AKAP3: variants seen among roughly 807,000 people sequenced by gnomAD.
AKAP3 encodes A-kinase anchoring protein 3.
AKAP3 carries 27 observed loss-of-function variants against 57.2 expected under a neutral mutation model. The ratio of observed to expected loss-of-function variants is 0.47; its 90% CI spans 0.35 to 0.65. The LOEUF (loss-of-function observed/expected upper bound fraction) is 0.65. AKAP3 is among the 30% of genes least tolerant of loss of function. The probability of loss-of-function intolerance (pLI) is 0.01; values close to 1 mark genes in which losing one functional copy is unlikely to be tolerated. For synonymous variants in AKAP3, 334 were observed against 392.3 expected, an observed-to-expected ratio of 0.85 and a Z score of 1.76; for missense variants, 959 against 1,040.0, an observed-to-expected ratio of 0.92 and a Z score of 1.07.
rs868808320 is a variant in AKAP3, at chr12:4,626,309, C to T, written c.2406+187G>A. On this transcript the variant is annotated intron_variant, in intron 5 of 5. Transcript: ENST00000228850. ...TTTATCCCCCTGTTCCCCTTTGATA[C>T]GCCTTGGATTGGGCAAAATCTAATT... 7.2e-5 allele frequency among the ~76,000 whole-genome samples: 11 copies of T among 152,302 alleles called. 1 individual carries two copies. In the Middle Eastern group the frequency reaches 0.014, roughly 188 times the overall value.
chr12:4,639,948 C>G (rs1945617154), intron 3 of AKAP3, among the ~76,000 whole-genome samples: 1 of 151,796 alleles, frequency 6.6e-6, no homozygotes, highest in Admixed American at 6.6e-5. Flanking sequence ...TCCCAAGTAG[C>G]TGGGACTACA....
chr12:4,632,632 GTTTGTTTTTGTT>G lies in AKAP3; in HGVS notation c.97-3839_97-3828del, dbSNP rs372895920. Among the ~76,000 whole-genome samples the G allele has an allele frequency of 4.6e-5, 7 of 151,896 alleles. No individual in the cohort carries two copies. The East Asian group carries it at 1.4e-3, about 30-fold the overall frequency. On this transcript the variant is annotated intron_variant, in intron 4 of 5. Coordinates refer to ENST00000228850, the MANE Select transcript of AKAP3 (RefSeq NM_001278309.2). Reference sequence around the variant, plus strand: ...GTAAATAACAGAGGGCTTTTTGTTTGTTTGTTTTTGTTTTTGTTTTTGTTTTGATACAGAGTC... The same window carrying G: ...GTAAATAACAGAGGGCTTTTTGTTTGTTTGTTTTTGTTTTGATACAGAGTC...
In AKAP3 at chr12:4,626,805, C is replaced by T; in HGVS notation, c.2097G>A (p.Lys699=). The change falls in exon 5 of 6, where the codon AAG becomes AAA. Residue 699 remains lysine (K), a synonymous_variant. Transcript: ENST00000228850. ...AAGTTAGCCTACTGGCATCTCCAGA[C>T]TTGTCATCTCCCAGCTCTGCCAACG... The part of the protein sequence containing the change: ...DASLAELGDD[K]SGDASRLTSA... 1 of 1,611,478 alleles carries T rather than the reference C, an allele frequency of 6.2e-7. No homozygotes were observed.
chr12:4,635,968 G>T (rs1433822958), intron 4 of AKAP3: 1 of 1,176,398 alleles, frequency 8.5e-7, no homozygotes, highest in Non-Finnish European at 1.3e-6. Flanking sequence ...ATTTCACAAA[G>T]AAACAGCTTT....
intron 3 of AKAP3, among the ~76,000 whole-genome samples, chr12:4,638,652 A>G (rs1337229954): frequency 6.6e-6 from 1 of 152,126 alleles, no homozygotes; most frequent in Non-Finnish European, 1.5e-5. Context: ...ATTTTTAATT[A>G]ATTTCTAAAG....
rs781778383 is a variant in AKAP3, at chr12:4,627,909, C to T, written c.993G>A (p.Ser331=). 2.2e-5 allele frequency: 35 copies of T among 1,614,012 alleles called. No homozygotes were observed. Among genetic ancestry groups the T allele is most frequent in the Middle Eastern group, 1.6e-4 (1 of 6,084 alleles). The part of the protein sequence containing the change: ...VLLKHAKEVV[S]DLIDSFLRNL... ...TCCTCAAGAAGGAGTCGATGAGATC[C>T]GAGACCACCTCTTTTGCATGCTTGA... The change falls in exon 5 of 6, where the codon TCG becomes TCA. Residue 331 remains serine (S), a synonymous_variant. Coordinates refer to ENST00000228850, the MANE Select transcript of AKAP3 (RefSeq NM_001278309.2).
rs1186478462 is a variant in AKAP3, at chr12:4,628,202, G to A, written c.700C>T (p.Pro234Ser). ...TKERQGPDDK[P>S]PSKKSFFYKE... is the part of the protein sequence containing the mutation. Reference sequence around the variant, plus strand: ...TAGAAGAAAGACTTCTTAGAAGGAGGCTTGTCATCTGGACCCTGTCTTTCT... The same window carrying A: ...TAGAAGAAAGACTTCTTAGAAGGAGACTTGTCATCTGGACCCTGTCTTTCT... The change falls in exon 5 of 6, where the codon CCT (proline) becomes TCT (serine). Residue 234 changes from proline to serine, a missense_variant. Transcript: ENST00000228850. The A allele has an allele frequency of 5.6e-6, 9 of 1,614,100 alleles. No homozygotes were observed. Among genetic ancestry groups the A allele is most frequent in the Middle Eastern group, 1.6e-4 (1 of 6,062 alleles).
In AKAP3 at chr12:4,623,962, A is replaced by G. The variant is rs181885187; in HGVS notation, c.2406+2534T>C. ...TGTTTTAATAGGTGTGTTAATTGGTACAAGCTCTATGGAAGGCAATTTGGA... is the reference window on the plus strand; with the variant it reads ...TGTTTTAATAGGTGTGTTAATTGGTGCAAGCTCTATGGAAGGCAATTTGGA... On this transcript the variant is annotated intron_variant, in intron 5 of 5. Coordinates refer to ENST00000228850, the MANE Select transcript of AKAP3 (RefSeq NM_001278309.2). 2.6e-3 allele frequency among the ~76,000 whole-genome samples: 392 copies of G among 151,078 alleles called. 1 individual carries two copies. Among genetic ancestry groups the G allele is most frequent in the African/African-American group, 8.9e-3 (365 of 41,242 alleles).
In AKAP3 at chr12:4,627,014, C is replaced by T. The variant is rs142870515; in HGVS notation, c.1888G>A (p.Glu630Lys). 3 of 1,614,114 alleles carry T rather than the reference C, an allele frequency of 1.9e-6. No individual in the cohort carries two copies. Among genetic ancestry groups the T allele is most frequent in the Non-Finnish European group, 2.5e-6 (3 of 1,179,980 alleles). Reference sequence around the variant, plus strand: ...GGGGGAGAAGACGCCAACGGTCTTTCACACAACTTCCTATCTTCCTTAACT... The same window carrying T: ...GGGGGAGAAGACGCCAACGGTCTTTTACACAACTTCCTATCTTCCTTAACT... ...QPVKEDRKLC[E>K]RPLASSPPRL... Residue 630 changes from glutamate (E) to lysine (K), a missense_variant, in exon 5 of 6, where the codon GAA becomes AAA. Physicochemically the swap from Glu to Lys is moderately conservative, Grantham distance 56. Transcript: ENST00000228850.
intron 1 of AKAP3, among the ~76,000 whole-genome samples, chr12:4,647,488 T>TA (rs1163979282): frequency 6.6e-6 from 1 of 151,500 alleles, no homozygotes; most frequent in African/African-American, 2.4e-5. Context: ...GCCTGGGCAA[T>TA]ACAGTAAGAC....
intron 5 of AKAP3, among the ~76,000 whole-genome samples, chr12:4,617,708 C>T (rs938190711): frequency 2.2e-4 from 33 of 150,380 alleles, no homozygotes; most frequent in Admixed American, 3.3e-4. Flanking sequence ...GCCGAGATCA[C>T]GCCACTGCAC....
intron 5 of AKAP3, among the ~76,000 whole-genome samples, chr12:4,620,494 A>G (rs76395852): frequency 1.3e-5 from 2 of 151,334 alleles, no homozygotes; most frequent in South Asian, 2.1e-4. Context: ...AAAAAAAAAA[A>G]AGAGAGATTG....
intron 4 of AKAP3, among the ~76,000 whole-genome samples, chr12:4,634,182 G>A (rs186785585): frequency 1.8e-4 from 27 of 152,042 alleles, no homozygotes; most frequent in South Asian, 2.1e-4. Context: ...GCAATATACC[G>A]AATTGATCAA....
rs1162805992 is a variant in AKAP3, at chr12:4,638,521, TC to T, written c.1-326del. Among the ~76,000 whole-genome samples, 13 of 152,142 alleles carry T rather than the reference TC, an allele frequency of 8.5e-5. 1 individual carries two copies. The East Asian group carries it at 2.1e-3, about 25-fold the overall frequency. ...CCTTTATGTCCTTGCTTGACGACCC[TC>T]CCCCTGCACTCACAGGATTTTCAGT... On this transcript the variant is annotated intron_variant, in intron 3 of 5. Coordinates refer to ENST00000228850, the MANE Select transcript of AKAP3 (RefSeq NM_001278309.2).
At position 4,627,942 on chromosome 12, in the gene AKAP3, C is replaced by A. The variant is rs144694533; in HGVS notation, c.960G>T (p.Lys320Asn). Residue 320 changes from lysine (K) to asparagine (N), a missense_variant, in exon 5 of 6, where the codon AAG (lysine) becomes AAT (asparagine). Lys to Asn is a moderately conservative substitution (Grantham distance 94, BLOSUM62 0). Coordinates refer to ENST00000228850, the MANE Select transcript of AKAP3 (RefSeq NM_001278309.2). ...CCTCTTTTGCATGCTTGAGCAGAAC[C>A]TTCTTCAGTAGGATGGTGGCAATGG... ...DTTIATILLK[K>N]VLLKHAKEVV... is the part of the protein sequence containing the mutation. 6.2e-7 allele frequency: 1 copy of A among 1,614,102 alleles called. No individual in the cohort carries two copies. Among genetic ancestry groups the A allele is most frequent in the Non-Finnish European group, 8.5e-7 (1 of 1,180,014 alleles).
At chr12:4,632,094 G>A (rs972440566) in intron 4 of AKAP3, among the ~76,000 whole-genome samples, 3 of 152,202 alleles carry the variant, frequency 2.0e-5, no homozygotes, top group Admixed American at 2.0e-4. Context: ...AAACACTGGA[G>A]TGGTATTACA....
At position 4,628,705 on chromosome 12, in the gene AKAP3, G is replaced by T. The variant is rs1390382105; in HGVS notation, c.197C>A (p.Ser66Ter). ...TGAGTTGGACGTTTCCCCACCAAAT[G>T]ATTCTCCGGGTTTGAACCGAACATC... ...FQDVRFKPGE[S>*]FGGETSNSGD... The change falls in exon 5 of 6, where the codon TCA becomes TAA. Residue 66 changes from serine to a stop codon, truncating the protein, a stop_gained. Coordinates refer to ENST00000228850, the MANE Select transcript of AKAP3 (RefSeq NM_001278309.2). LOFTEE classifies it high-confidence loss of function. The T allele has an allele frequency of 1.2e-6, 2 of 1,614,068 alleles. No individual in the cohort carries two copies. The highest frequency in any genetic ancestry group is 1.1e-5 in the South Asian group (1 of 91,070).
At chr12:4,639,658 T>C (rs538463196) in intron 3 of AKAP3, among the ~76,000 whole-genome samples, 72 of 147,016 alleles carry the variant, frequency 4.9e-4, no homozygotes, top group African/African-American at 1.7e-3. Flanking sequence ...TTCCCACCTA[T>C]GAGTGAGAAC....
rs183887224 is a variant in AKAP3 at position 4,631,176 on chromosome 12, T to C, written c.97-2371A>G. On this transcript the variant is annotated intron_variant, in intron 4 of 5. Coordinates refer to ENST00000228850, the MANE Select transcript of AKAP3 (RefSeq NM_001278309.2). ...TCACTTCGGTTTGTTTATGGCCAAT[T>C]GGTGGCAGCAATGATTGGAAATTTG... The C allele has an allele frequency of 2.3e-4, 121 of 525,500 alleles. 2 individuals carry two copies. In the Admixed American group the frequency reaches 4.4e-3, roughly 19 times the overall value. 32.6% of individuals were successfully genotyped at this position (525,500 alleles called of 1,614,324 possible).
Sources: gnomAD v4.1 joint callset for allele counts (sites outside exome capture counted in the v4.1 genomes callset) on GRCh38, gnomAD v4.1.1 for gene constraint, MANE v1.5 for transcripts, NCBI Gene and HGNC (gene_info 2026-07-23, HGNC 2026-07-21) for gene names.